Variants in SUMO4 observed in about 807,000 individuals in gnomAD.
SUMO4 encodes the protein small ubiquitin-related modifier 4.
A neutral mutation model predicts 7.7 loss-of-function variants in SUMO4; 6 were observed. The observed-to-expected ratio is 0.78, with a 90% CI of 0.43 to 1.53. The LOEUF is 1.53. SUMO4 is among the 40% of genes most tolerant of loss of function. SUMO4 has a pLI of 0.01. For synonymous variants in SUMO4, 43 were observed against 41.2 expected, an observed-to-expected ratio of 1.04 and a Z score of -0.17; for missense variants, 113 against 113.6, an observed-to-expected ratio of 0.99 and a Z score of 0.03.
In SUMO4 at chr6:149,400,605, A is replaced by G. The variant is rs1258738663; in HGVS notation, c.214A>G (p.Lys72Glu). Reference protein sequence around the residue: ...FGGQPISGTDKPAQLEMEDED... With the variant: ...FGGQPISGTDEPAQLEMEDED... ...TGGGCAACCAATCAGTGGAACAGACAAACCTGCACAGTTGGAAATGGAAGA... is the reference window on the plus strand; with the variant it reads ...TGGGCAACCAATCAGTGGAACAGACGAACCTGCACAGTTGGAAATGGAAGA... Residue 72 changes from lysine to glutamate, a missense_variant, in exon 1 of 1, where the codon AAA (lysine) becomes GAA (glutamate). By Grantham distance (56) the Lys-to-Glu change is moderately conservative. Transcript: ENST00000326669. The G allele has an allele frequency of 1.1e-5, 18 of 1,614,128 alleles. No individual in the cohort carries two copies. Among genetic ancestry groups the G allele is most frequent in the Admixed American group, 1.7e-5 (1 of 60,012 alleles).
In SUMO4 at chr6:149,400,300, C is replaced by T. The variant is rs1458867603; in HGVS notation, c.-92C>T. On this transcript the variant is annotated 5_prime_UTR_variant, in exon 1 of 1. Coordinates refer to ENST00000326669, the MANE Select transcript of SUMO4 (RefSeq NM_001002255.2). ...TCTCCCTCATCCACCGCTGTCACCT[C>T]CTGCTGCTCTTCCTGCTGCTCGTGT... 2 of 1,423,390 alleles carry T rather than the reference C, an allele frequency of 1.4e-6. No individual in the cohort carries two copies. Among genetic ancestry groups the T allele is most frequent in the South Asian group, 1.3e-5 (1 of 75,738 alleles). The allele number at this position is 1,423,390 out of a possible 1,614,324, so 88.2% of individuals were successfully genotyped here. A position where few individuals can be genotyped will look rare whatever the true frequency, so the allele number is the denominator to read the frequency against.
chr6:149,400,908 T>C lies in SUMO4; in HGVS notation c.*229T>C. ...TCAAACCAAACAGCCAATGGTATGT[T>C]TTGATTGACATCAAGTGGAGACAGG... On this transcript the variant is annotated 3_prime_UTR_variant, in exon 1 of 1. Transcript: ENST00000326669. 1.9e-6 allele frequency: 1 copy of C among 520,202 alleles called. No homozygotes were observed. The highest frequency in any genetic ancestry group is 3.4e-6 in the Non-Finnish European group (1 of 291,774). 32.2% of individuals were successfully genotyped at this position (520,202 alleles called of 1,614,324 possible). A position where few individuals can be genotyped will look rare whatever the true frequency, so the allele number is the denominator to read the frequency against.
Position 149,400,585 on chromosome 6 carries a change from A to G in SUMO4, c.194A>G (p.Gln65Arg), listed in dbSNP as rs1782348032. ...CAGATCAGATTCCGATTTGGTGGGCAACCAATCAGTGGAACAGACAAACCT... is the reference window on the plus strand; with the variant it reads ...CAGATCAGATTCCGATTTGGTGGGCGACCAATCAGTGGAACAGACAAACCT... ...VKQIRFRFGGQPISGTDKPAQ... is the reference protein window; with the variant it reads ...VKQIRFRFGGRPISGTDKPAQ... The change falls in exon 1 of 1, where the codon CAA becomes CGA. Residue 65 changes from glutamine to arginine, a missense_variant. Transcript: ENST00000326669. The G allele has an allele frequency of 8.1e-6, 13 of 1,614,258 alleles. No individual in the cohort carries two copies. Among genetic ancestry groups the G allele is most frequent in the Non-Finnish European group, 1.1e-5 (13 of 1,180,040 alleles).
chr6:149,400,608 C>T lies in SUMO4; in HGVS notation c.217C>T (p.Pro73Ser). The T allele has an allele frequency of 6.2e-7, 1 of 1,614,176 alleles. No individual in the cohort carries two copies. The highest frequency in any genetic ancestry group is 8.5e-7 in the Non-Finnish European group (1 of 1,180,024). ...GCAACCAATCAGTGGAACAGACAAA[C>T]CTGCACAGTTGGAAATGGAAGATGA... is the stretch of plus-strand genomic sequence containing the variant. The part of the protein sequence containing the change: ...GGQPISGTDK[P>S]AQLEMEDEDT... Residue 73 changes from proline to serine, a missense_variant, in exon 1 of 1, where the codon CCT becomes TCT. Transcript: ENST00000326669.
Position 149,400,378 on chromosome 6 carries a change from C to T in SUMO4, c.-14C>T. The T allele has an allele frequency of 1.9e-6, 3 of 1,612,824 alleles. No homozygotes were observed. Among genetic ancestry groups the T allele is most frequent in the Non-Finnish European group, 2.5e-6 (3 of 1,179,428 alleles). ...TTTTGTGAAGCAGCAGCTGAGGAGA[C>T]TCCGGTGTTCACCATGGCCAACGAA... On this transcript the variant is annotated 5_prime_UTR_variant, in exon 1 of 1. Transcript: ENST00000326669.
Position 149,400,339 on chromosome 6 carries a change from G to A in SUMO4, c.-53G>A, listed in dbSNP as rs575355265. 87 of 1,582,110 alleles carry A rather than the reference G, an allele frequency of 5.5e-5. No individual in the cohort carries two copies. The South Asian group carries it at 8.0e-4, about 15-fold the overall frequency. On this transcript the variant is annotated 5_prime_UTR_variant, in exon 1 of 1. Transcript: ENST00000326669. ...TGCTGCTCGTGTACTCGTTAGGTGC[G>A]GACCCGCCACCTCTTTTGTGAAGCA... is the stretch of plus-strand genomic sequence containing the variant.
rs746964200 is a variant in SUMO4, at chr6:149,400,460, G to A, written c.69G>A (p.Ala23=). ...ENNNHINLKV[A]GQDGSVVQFK... ...ACAATCATATTAATTTGAAGGTGGCGGGACAGGATGGTTCTGTGGTGCAGT... is the reference window on the plus strand; with the variant it reads ...ACAATCATATTAATTTGAAGGTGGCAGGACAGGATGGTTCTGTGGTGCAGT... Residue 23 remains alanine (A), a synonymous_variant, in exon 1 of 1, where the codon GCG becomes GCA. Transcript: ENST00000326669. The A allele has an allele frequency of 1.8e-5, 29 of 1,614,100 alleles. No individual in the cohort carries two copies. Among genetic ancestry groups the A allele is most frequent in the Admixed American group, 1.5e-4 (9 of 60,010 alleles).
chr6:149,400,938 GA>G lies in SUMO4; in HGVS notation c.*265del. The stretch of plus-strand genomic sequence containing the variant: ...TTGACATCAAGTGGAGACAGGATGG[GA>G]AAAAATACTGATTCTGTGAAAATAC... On this transcript the variant is annotated 3_prime_UTR_variant, in exon 1 of 1. Coordinates refer to ENST00000326669, the MANE Select transcript of SUMO4 (RefSeq NM_001002255.2). The G allele has an allele frequency of 6.9e-6, 3 of 437,888 alleles. No homozygotes were observed. Among genetic ancestry groups the G allele is most frequent in the Non-Finnish European group, 1.2e-5 (3 of 241,078 alleles). The allele number at this position is 437,888 out of a possible 1,614,324, so 27.1% of individuals were successfully genotyped here. A position where few individuals can be genotyped will look rare whatever the true frequency, so the allele number is the denominator to read the frequency against.
At position 149,400,356 on chromosome 6, in the gene SUMO4, T is replaced by A. The variant is rs1291644129; in HGVS notation, c.-36T>A. 6.2e-7 allele frequency: 1 copy of A among 1,604,218 alleles called. No individual in the cohort carries two copies. The highest frequency in any genetic ancestry group is 8.5e-7 in the Non-Finnish European group (1 of 1,175,316). On this transcript the variant is annotated 5_prime_UTR_variant, in exon 1 of 1. Coordinates refer to ENST00000326669, the MANE Select transcript of SUMO4 (RefSeq NM_001002255.2). ...TTAGGTGCGGACCCGCCACCTCTTT[T>A]GTGAAGCAGCAGCTGAGGAGACTCC...
At position 149,400,724 on chromosome 6, in the gene SUMO4, C is replaced by A; in HGVS notation, c.*45C>A. On this transcript the variant is annotated 3_prime_UTR_variant, in exon 1 of 1. Transcript: ENST00000326669. Reference sequence around the variant, plus strand: ...ACTCCAGAACGCTGTTCTTTAAAGACCAAGATTACTGCATTCTCAATTAGA... The same window carrying A: ...ACTCCAGAACGCTGTTCTTTAAAGAACAAGATTACTGCATTCTCAATTAGA... 1 of 1,585,962 alleles carries A rather than the reference C, an allele frequency of 6.3e-7. No homozygotes were observed. Among genetic ancestry groups the A allele is most frequent in the Non-Finnish European group, 8.6e-7 (1 of 1,166,234 alleles).
rs1239868957 is a variant in SUMO4 at position 149,401,038 on chromosome 6, T to A, written c.*359T>A. On this transcript the variant is annotated 3_prime_UTR_variant, in exon 1 of 1. Coordinates refer to ENST00000326669, the MANE Select transcript of SUMO4 (RefSeq NM_001002255.2). ...CTAGTAAGTTATTTTGCTCTCACTG[T>A]TTTAACAACAACAAAAAAAAATTCT... is the stretch of plus-strand genomic sequence containing the variant. 9.8e-6 allele frequency: 2 copies of A among 205,094 alleles called. No individual in the cohort carries two copies. Among genetic ancestry groups the A allele is most frequent in the South Asian group, 1.5e-4 (1 of 6,566 alleles). The allele number at this position is 205,094 out of a possible 1,614,324, so 12.7% of individuals were successfully genotyped here. A position where few individuals can be genotyped will look rare whatever the true frequency, so the allele number is the denominator to read the frequency against.
chr6:149,400,298 C>G lies in SUMO4; in HGVS notation c.-94C>G. ...CCTCTCCCTCATCCACCGCTGTCAC[C>G]TCCTGCTGCTCTTCCTGCTGCTCGT... On this transcript the variant is annotated 5_prime_UTR_variant, in exon 1 of 1. Transcript: ENST00000326669. 1 of 1,407,692 alleles carries G rather than the reference C, an allele frequency of 7.1e-7. No homozygotes were observed. Among genetic ancestry groups the G allele is most frequent in the South Asian group, 1.3e-5 (1 of 75,222 alleles). 87.2% of individuals were successfully genotyped at this position (1,407,692 alleles called of 1,614,324 possible).
At position 149,400,874 on chromosome 6, in the gene SUMO4, C is replaced by A; in HGVS notation, c.*195C>A. The A allele has an allele frequency of 1.6e-6, 1 of 611,264 alleles. No homozygotes were observed. Among genetic ancestry groups the A allele is most frequent in the Non-Finnish European group, 2.8e-6 (1 of 359,828 alleles). 37.9% of individuals were successfully genotyped at this position (611,264 alleles called of 1,614,324 possible). Reference sequence around the variant, plus strand: ...CTGGTATGTGTACACAAGCATATTGCTTTTTTCTTCAAACCAAACAGCCAA... The same window carrying A: ...CTGGTATGTGTACACAAGCATATTGATTTTTTCTTCAAACCAAACAGCCAA... On this transcript the variant is annotated 3_prime_UTR_variant, in exon 1 of 1. Transcript: ENST00000326669.
Position 149,400,813 on chromosome 6 carries a change from TC to T in SUMO4, c.*139del, listed in dbSNP as rs1782360002. On this transcript the variant is annotated 3_prime_UTR_variant, in exon 1 of 1. Transcript: ENST00000326669. ...GTATAGTTTTCTCTATTCTTTTGTT[TC>T]CCCCTTCCACATTCTTTTATTATAC... 1 of 1,013,934 alleles carries T rather than the reference TC, an allele frequency of 9.9e-7. No homozygotes were observed. Among genetic ancestry groups the T allele is most frequent in the African/African-American group, 1.6e-5 (1 of 61,386 alleles). 62.8% of individuals were successfully genotyped at this position (1,013,934 alleles called of 1,614,324 possible).
At position 149,400,592 on chromosome 6, in the gene SUMO4, C is replaced by G. The variant is rs1292541852; in HGVS notation, c.201C>G (p.Ile67Met). The G allele has an allele frequency of 5.6e-6, 9 of 1,614,190 alleles. No homozygotes were observed. The highest frequency in any genetic ancestry group is 1.7e-5 in the Admixed American group (1 of 60,024). Residue 67 changes from isoleucine (I) to methionine (M), a missense_variant, in exon 1 of 1, where the codon ATC becomes ATG. Physicochemically the swap from Ile to Met is conservative, Grantham distance 10. Coordinates refer to ENST00000326669, the MANE Select transcript of SUMO4 (RefSeq NM_001002255.2). ...QIRFRFGGQP[I>M]SGTDKPAQLE... ...GATTCCGATTTGGTGGGCAACCAAT[C>G]AGTGGAACAGACAAACCTGCACAGT...
chr6:149,400,553 A>G lies in SUMO4; in HGVS notation c.162A>G (p.Ser54=). Residue 54 remains serine (S), a synonymous_variant, in exon 1 of 1, where the codon TCA becomes TCG. Transcript: ENST00000326669. ...CCTATTGTGAACCACGGGGATTGTC[A>G]GTGAAGCAGATCAGATTCCGATTTG... ...MKAYCEPRGL[S]VKQIRFRFGG... The G allele has an allele frequency of 1.2e-6, 2 of 1,614,270 alleles. No homozygotes were observed. Among genetic ancestry groups the G allele is most frequent in the South Asian group, 1.1e-5 (1 of 91,090 alleles).
Position 149,400,714 on chromosome 6 carries a change from T to A in SUMO4, c.*35T>A, listed in dbSNP as rs1169532054. ...CTGCTTCTTTACTCCAGAACGCTGT[T>A]CTTTAAAGACCAAGATTACTGCATT... is the stretch of plus-strand genomic sequence containing the variant. On this transcript the variant is annotated 3_prime_UTR_variant, in exon 1 of 1. Transcript: ENST00000326669. 6.3e-7 allele frequency: 1 copy of A among 1,597,634 alleles called. No individual in the cohort carries two copies. Among genetic ancestry groups the A allele is most frequent in the Non-Finnish European group, 8.5e-7 (1 of 1,172,864 alleles).
rs746911325 is a variant in SUMO4, at chr6:149,400,563, A to G, written c.172A>G (p.Ile58Val). The G allele has an allele frequency of 3.1e-6, 5 of 1,614,142 alleles. No homozygotes were observed. The highest frequency in any genetic ancestry group is 2.2e-5 in the East Asian group (1 of 44,904). Residue 58 changes from isoleucine (I) to valine (V), a missense_variant, in exon 1 of 1, where the codon ATC becomes GTC. By Grantham distance (29) the Ile-to-Val change is conservative. Transcript: ENST00000326669. ...ACCACGGGGATTGTCAGTGAAGCAGATCAGATTCCGATTTGGTGGGCAACC... is the reference window on the plus strand; with the variant it reads ...ACCACGGGGATTGTCAGTGAAGCAGGTCAGATTCCGATTTGGTGGGCAACC... ...CEPRGLSVKQ[I>V]RFRFGGQPIS...
chr6:149,400,647 G>C lies in SUMO4; in HGVS notation c.256G>C (p.Val86Leu). The C allele has an allele frequency of 6.2e-7, 1 of 1,614,190 alleles. No homozygotes were observed. Among genetic ancestry groups the C allele is most frequent in the Non-Finnish European group, 8.5e-7 (1 of 1,180,036 alleles). Residue 86 changes from valine to leucine, a missense_variant, in exon 1 of 1, where the codon GTG becomes CTG. Transcript: ENST00000326669. ...AATGGAAGATGAAGATACAATTGATGTGTTTCAACAGCCTACGGGAGGTGT... is the reference window on the plus strand; with the variant it reads ...AATGGAAGATGAAGATACAATTGATCTGTTTCAACAGCCTACGGGAGGTGT... ...LEMEDEDTID[V>L]FQQPTGGVY
Sources: gnomAD v4.1 joint callset for allele counts on GRCh38, gnomAD v4.1.1 for gene constraint, MANE v1.5 for transcripts, NCBI Gene and HGNC (gene_info 2026-07-23, HGNC 2026-07-21) for gene names.